The following CCNY variants were observed in gnomAD, a reference collection of about 807,000 sequenced individuals.
CCNY encodes the protein cyclin Y.
In CCNY, 19 loss-of-function variants were observed where a neutral mutation model predicts 42.8. That is an observed-to-expected ratio of 0.44 (90% CI 0.31 to 0.65). CCNY has a LOEUF of 0.65. Among genes scored for constraint, CCNY ranks in the 30% least tolerant of loss-of-function variants. CCNY has a pLI of 0.07. For missense variants in CCNY, 370 were observed against 437.3 expected, an observed-to-expected ratio of 0.85 and a Z score of 1.37; for synonymous variants, 165 against 162.7, an observed-to-expected ratio of 1.01 and a Z score of -0.11.
chr10:35,462,228 T>C (rs1564420441), intron 1 of CCNY, among the ~76,000 whole-genome samples: 1 of 152,224 alleles, frequency 6.6e-6, no homozygotes, highest in Admixed American at 6.5e-5. Flanking sequence ...ACAGAAACAG[T>C]GTTTCTTCAA....
chr10:35,337,328 G>C (rs899266429), intron 1 of CCNY, 121 bp downstream of exon 1: 1 of 1,069,324 alleles, frequency 9.4e-7, no homozygotes, highest in Non-Finnish European at 1.2e-6. Context: ...CATAACCGGG[G>C]CTTCGCCCGC....
At chr10:35,526,460 G>T (rs1840654428) in intron 5 of CCNY, among the ~76,000 whole-genome samples, 1 of 152,018 alleles carries the variant, frequency 6.6e-6, no homozygotes, top group South Asian at 2.1e-4. Flanking sequence ...GCAATAGTTG[G>T]TTAATTTTAA....
chr10:35,466,988 CCAGA>C (rs1839283100), intron 1 of CCNY, among the ~76,000 whole-genome samples: 1 of 152,168 alleles, frequency 6.6e-6, no homozygotes, highest in Non-Finnish European at 1.5e-5. Context: ...TGAACTGTGA[CCAGA>C]CAGTGATAAT....
chr10:35,343,037 C>G (rs1836219531), intron 1 of CCNY, among the ~76,000 whole-genome samples: 1 of 140,160 alleles, frequency 7.1e-6, no homozygotes, highest in Non-Finnish European at 1.5e-5. Context: ...GGGTTTTACT[C>G]TCTCGCCCTG....
intron 1 of CCNY, among the ~76,000 whole-genome samples, chr10:35,386,150 G>A (rs1239175760): frequency 1.3e-5 from 2 of 152,222 alleles, no homozygotes; most frequent in Non-Finnish European, 2.9e-5. Context: ...CTGACCTGGG[G>A]ATGCTTAACT....
intron 1 of CCNY, among the ~76,000 whole-genome samples, chr10:35,432,312 T>C (rs1838430858): frequency 6.6e-6 from 1 of 152,188 alleles, no homozygotes; most frequent in Non-Finnish European, 1.5e-5. Context: ...AAGATGACTG[T>C]TGAGATGATT....
chr10:35,343,042 G>A (rs1016428311), intron 1 of CCNY, among the ~76,000 whole-genome samples: 35 of 133,986 alleles, frequency 2.6e-4, no homozygotes, highest in Non-Finnish European at 3.8e-4. Context: ...TTACTCTCTC[G>A]CCCTGGCTGG....
intron 1 of CCNY, among the ~76,000 whole-genome samples, chr10:35,465,938 A>AGAGAGAGAGAGAGAGAGTGAGAGTGTGT: frequency 4.9e-5 from 4 of 80,958 alleles, no homozygotes. Context: ...AGAGAGAGAG[A>AGAGAGAGAGAGAGAGAGTGAGAGTGTGT]GTGTGTGTGT....
At chr10:35,456,881 C>T (rs1230425489) in intron 1 of CCNY, among the ~76,000 whole-genome samples, 1 of 152,114 alleles carries the variant, frequency 6.6e-6, no homozygotes, top group Non-Finnish European at 1.5e-5. Context: ...GCCTAGAACA[C>T]CATTCACGGA....
chr10:35,359,042 A>G (rs1286531553), intron 1 of CCNY, among the ~76,000 whole-genome samples: 1 of 152,212 alleles, frequency 6.6e-6, no homozygotes, highest in Admixed American at 6.5e-5. Context: ...CAGACAAAGC[A>G]TCTGTGCTTC....
chr10:35,376,713 C>T (rs905733121), intron 1 of CCNY, among the ~76,000 whole-genome samples: 100 of 152,234 alleles, frequency 6.6e-4, no homozygotes, highest in Middle Eastern at 3.4e-3. Context: ...ATTATTTAGC[C>T]GTTAAAAGGA....
chr10:35,372,429 A>T (rs1277106210), intron 1 of CCNY, among the ~76,000 whole-genome samples: 1 of 152,172 alleles, frequency 6.6e-6, no homozygotes, highest in East Asian at 1.9e-4. Flanking sequence ...AGTCCCTGGG[A>T]TCAGCCTCGG....
At chr10:35,356,757 A>C (rs553509807) in intron 1 of CCNY, among the ~76,000 whole-genome samples, 7 of 152,172 alleles carry the variant, frequency 4.6e-5, no homozygotes, top group East Asian at 1.9e-4. Flanking sequence ...CTAGCTTCTT[A>C]TTATGGTTTA....
chr10:35,457,710 A>T (rs1169421227), intron 1 of CCNY, among the ~76,000 whole-genome samples: 1 of 151,990 alleles, frequency 6.6e-6, no homozygotes, highest in African/African-American at 2.4e-5. Flanking sequence ...CTCCCCGAGT[A>T]GCTGGGACTA....
At chr10:35,382,152 A>T (rs536477519) in intron 1 of CCNY, among the ~76,000 whole-genome samples, 4 of 152,284 alleles carry the variant, frequency 2.6e-5, no homozygotes, top group Admixed American at 6.5e-5. Context: ...AAGTGAGGAG[A>T]TTGAGAATCT....
At chr10:35,253,572 C>T (rs1001233056) in intron 3 of CCNY, among the ~76,000 whole-genome samples, 1 of 151,828 alleles carries the variant, frequency 6.6e-6, no homozygotes, top group African/African-American at 2.4e-5. Context: ...GCCACCACAC[C>T]TGATTTTTAT....
intron 3 of CCNY, among the ~76,000 whole-genome samples, chr10:35,290,136 G>A (rs923912740): frequency 8.6e-5 from 13 of 151,598 alleles, no homozygotes; most frequent in African/African-American, 2.9e-4. Context: ...TGAGGCAGGA[G>A]AATCTCTTGA....
At chr10:35,444,243 T>G (rs1317443418) in intron 1 of CCNY, among the ~76,000 whole-genome samples, 1 of 151,588 alleles carries the variant, frequency 6.6e-6, no homozygotes, top group Non-Finnish European at 1.5e-5. Context: ...GTTAACTGTT[T>G]TTTGGCTTTT....
intron 3 of CCNY, among the ~76,000 whole-genome samples, chr10:35,507,472 G>C (rs534154489): frequency 6.6e-6 from 1 of 152,256 alleles, no homozygotes; most frequent in Admixed American, 6.5e-5. Flanking sequence ...TTGGAAGTAG[G>C]TTGTCTGCAT....
Sources: allele counts gnomAD v4.1 joint callset (sites outside exome capture counted in the v4.1 genomes callset), GRCh38; gene constraint gnomAD v4.1.1; transcripts MANE v1.5; gene names NCBI Gene and HGNC (gene_info 2026-07-23, HGNC 2026-07-21).